Variants in DLGAP1 observed in about 807,000 individuals in gnomAD.
The protein encoded by DLGAP1 is DLG associated protein 1.
A neutral mutation model predicts 90.8 loss-of-function variants in DLGAP1; 11 were observed. The ratio of observed to expected loss-of-function variants is 0.12; its 90% CI spans 0.08 to 0.20. The LOEUF is 0.20. Among genes scored for constraint, DLGAP1 ranks in the 10% least tolerant of loss-of-function variants. The pLI, the probability that DLGAP1 is intolerant of heterozygous loss-of-function variation, is 1.00. For synonymous variants in DLGAP1, 558 were observed against 540.7 expected (o/e 1.03, Z -0.44); for missense variants, 1,050 against 1,333.8 (o/e 0.79, Z 3.31).
chr18:3,580,455 C>T lies in DLGAP1; in HGVS notation c.1965+1420G>A, dbSNP rs550623916. The T allele has an allele frequency of 4.2e-4, 683 of 1,612,136 alleles. No homozygotes were observed. The African/African-American group carries it at 8.3e-3, about 20-fold the overall frequency. On this transcript the variant is annotated intron_variant, in intron 8 of 12. Coordinates refer to ENST00000315677, the MANE Select transcript of DLGAP1 (RefSeq NM_004746.4). ...GGTTTGTGCTACACCTCTGCCAGCTCCCTCAGCCGCCACCTCTTCATTGTC... is the reference window on the plus strand; with the variant it reads ...GGTTTGTGCTACACCTCTGCCAGCTTCCTCAGCCGCCACCTCTTCATTGTC...
At chr18:4,004,132 C>T (rs777608643) in intron 3 of DLGAP1, among the ~76,000 whole-genome samples, 9 of 152,224 alleles carry the variant, frequency 5.9e-5, no homozygotes, top group East Asian at 3.9e-4. Context: ...AAAATGTTGT[C>T]GTTTTGACTT....
chr18:3,502,337 T>A, intron 12 of DLGAP1, 156 bp downstream of exon 12: 1 of 1,407,178 alleles, frequency 7.1e-7, no homozygotes, highest in Non-Finnish European at 9.3e-7. Flanking sequence ...ATATCCCAAA[T>A]GATTACTATG....
chr18:3,874,140 A>C, intron 4 of DLGAP1: 1 of 1,549,980 alleles, frequency 6.5e-7, no homozygotes, highest in Non-Finnish European at 8.7e-7. Flanking sequence ...GTAATAAAAG[A>C]GTTATACCCA....
At chr18:4,173,309 T>A (rs886188821) in intron 1 of DLGAP1, among the ~76,000 whole-genome samples, 40 of 152,130 alleles carry the variant, frequency 2.6e-4, no homozygotes, top group African/African-American at 9.4e-4. Context: ...TAGACTTTCT[T>A]TACTATTCCA....
intron 1 of DLGAP1, among the ~76,000 whole-genome samples, chr18:4,219,570 T>C: frequency 6.6e-6 from 1 of 152,102 alleles, no homozygotes; most frequent in East Asian, 1.9e-4. Context: ...GTTACGGAGA[T>C]TTCCATTATG....
chr18:4,353,884 A>G (rs2081449861), intron 1 of DLGAP1, among the ~76,000 whole-genome samples: 1 of 152,148 alleles, frequency 6.6e-6, no homozygotes, highest in Non-Finnish European at 1.5e-5. Flanking sequence ...AGCCAAACAA[A>G]CATAAGAACT....
chr18:4,110,095 A>G (rs2075946564), intron 2 of DLGAP1, among the ~76,000 whole-genome samples: 2 of 152,170 alleles, frequency 1.3e-5, no homozygotes. Flanking sequence ...TGCTATCCAA[A>G]TCTGTCATTG....
chr18:3,797,378 C>T (rs571156848), intron 5 of DLGAP1, among the ~76,000 whole-genome samples: 6 of 152,000 alleles, frequency 3.9e-5, no homozygotes, highest in South Asian at 2.1e-4. Context: ...CTGTCTGCCA[C>T]GTCAAGACAG....
intron 1 of DLGAP1, among the ~76,000 whole-genome samples, chr18:4,306,521 A>C (rs1373782110): frequency 6.6e-6 from 1 of 151,274 alleles, no homozygotes; most frequent in Non-Finnish European, 1.5e-5. Flanking sequence ...AAGGGGAAGG[A>C]GTGGGAGAGG....
chr18:4,166,056 G>A (rs2076927806), intron 1 of DLGAP1, among the ~76,000 whole-genome samples: 1 of 151,988 alleles, frequency 6.6e-6, no homozygotes, highest in Admixed American at 6.6e-5. Context: ...CCACTCAGGA[G>A]CCTGAGGTAG....
chr18:3,759,338 C>T (rs774952370), intron 5 of DLGAP1, among the ~76,000 whole-genome samples: 19 of 151,744 alleles, frequency 1.3e-4, no homozygotes, highest in Non-Finnish European at 2.1e-4. Flanking sequence ...TCAAAAACCA[C>T]AGGCTCACTA....
chr18:3,499,628 T>C lies in DLGAP1; in HGVS notation c.2725-234A>G, dbSNP rs1427258522. On this transcript the variant is annotated intron_variant, in intron 12 of 12. Coordinates refer to ENST00000315677, the MANE Select transcript of DLGAP1 (RefSeq NM_004746.4). This position sits in a 1 kb window ranked among gnomAD's most constrained non-coding sequence, Gnocchi z 6.4. ...CCAGGGTAAGGCTGGGTTGCAGAACTAGGTCTCTCCAAGGGAAGGAAGTGG... is the reference window on the plus strand; with the variant it reads ...CCAGGGTAAGGCTGGGTTGCAGAACCAGGTCTCTCCAAGGGAAGGAAGTGG... Among the ~76,000 whole-genome samples, 1 of 151,826 alleles carries C rather than the reference T, an allele frequency of 6.6e-6. No homozygotes were observed. The highest frequency in any genetic ancestry group is 1.5e-5 in the Non-Finnish European group (1 of 67,964).
At chr18:3,740,278 T>C (rs2062843282) in intron 6 of DLGAP1, among the ~76,000 whole-genome samples, 1 of 152,156 alleles carries the variant, frequency 6.6e-6, no homozygotes, top group African/African-American at 2.4e-5. Context: ...ATATTACCTA[T>C]TGTGAAAAAG....
chr18:3,838,941 T>TA (rs2068553373), intron 4 of DLGAP1, among the ~76,000 whole-genome samples: 2 of 152,186 alleles, frequency 1.3e-5, no homozygotes, highest in South Asian at 2.1e-4. Flanking sequence ...AATCATGTCA[T>TA]AAAAGAGATG....
chr18:3,654,519 A>G lies in DLGAP1; in HGVS notation c.1592-72271T>C, dbSNP rs1297424187. Among the ~76,000 whole-genome samples, 4 of 152,210 alleles carry G rather than the reference A, an allele frequency of 2.6e-5. No homozygotes were observed. In the East Asian group the frequency reaches 5.8e-4, roughly 22 times the overall value. Reference sequence around the variant, plus strand: ...ACTCAAACCAAGCAGGCAATGTAAAACTATGACTTCAAAGCCATTCCTTGA... The same window carrying G: ...ACTCAAACCAAGCAGGCAATGTAAAGCTATGACTTCAAAGCCATTCCTTGA... On this transcript the variant is annotated intron_variant, in intron 7 of 12. Coordinates refer to ENST00000315677, the MANE Select transcript of DLGAP1 (RefSeq NM_004746.4).
chr18:3,724,860 A>G (rs1453815443), intron 7 of DLGAP1, among the ~76,000 whole-genome samples: 2 of 151,586 alleles, frequency 1.3e-5, no homozygotes, highest in Non-Finnish European at 2.9e-5. Flanking sequence ...AGTTATAATC[A>G]TACCACTGCA....
intron 1 of DLGAP1, among the ~76,000 whole-genome samples, chr18:4,435,890 T>A (rs1438194099): frequency 1.3e-5 from 2 of 152,136 alleles, no homozygotes; most frequent in Non-Finnish European, 2.9e-5. Flanking sequence ...AGGCTGTAAA[T>A]GCACAGAGAG....
At chr18:3,818,345 GGTTTTTTTT>G in intron 4 of DLGAP1, among the ~76,000 whole-genome samples, 1 of 114,318 alleles carries the variant, frequency 8.7e-6, no homozygotes, top group African/African-American at 3.3e-5. Context: ...ATGTAGGGAT[GGTTTTTTTT>G]TTTTTTTTTT....
rs187372828 is a variant in DLGAP1, at chr18:4,339,851, T to A, written c.-267+115155A>T. 2.0e-5 allele frequency among the ~76,000 whole-genome samples: 3 copies of A among 152,322 alleles called. No individual in the cohort carries two copies. The East Asian group carries it at 5.8e-4, about 29-fold the overall frequency. ...CTTGCACAAAAAGTGAAAGAAGATATGCTTTGACATAGGATATAACAAATA... is the reference window on the plus strand; with the variant it reads ...CTTGCACAAAAAGTGAAAGAAGATAAGCTTTGACATAGGATATAACAAATA... On this transcript the variant is annotated intron_variant, in intron 1 of 12. Transcript: ENST00000315677.
Sources: allele counts gnomAD v4.1 joint callset (sites outside exome capture counted in the v4.1 genomes callset), GRCh38; gene constraint gnomAD v4.1.1; non-coding constraint Gnocchi (gnomAD v3.1); transcripts MANE v1.5; gene names NCBI Gene and HGNC (gene_info 2026-07-23, HGNC 2026-07-21).